Variants in KANK1 observed in about 807,000 individuals in gnomAD.
KANK1 encodes the protein KN motif and ankyrin repeat domain-containing protein 1.
A neutral mutation model predicts 106.2 loss-of-function variants in KANK1; 109 were observed. The ratio of observed to expected loss-of-function variants is 1.03; its 90% confidence interval spans 0.88 to 1.20. The LOEUF is 1.20. Ranked by LOEUF, KANK1 falls within the 50% of genes most tolerant of loss-of-function variation. The pLI, the probability that KANK1 is intolerant of heterozygous loss-of-function variation, is 0.00. For missense variants in KANK1, 2,399 were observed against 1,710.7 expected (o/e 1.40, Z -7.10); for synonymous variants, 873 against 652.2 (o/e 1.34, Z -5.16).
intron 1 of KANK1, among the ~76,000 whole-genome samples, chr9:543,615 C>T (rs2060746910): frequency 6.6e-6 from 1 of 151,610 alleles, no homozygotes; most frequent in Admixed American, 6.6e-5. Flanking sequence ...CACACTACTG[C>T]GTGTTTGTCC....
At chr9:519,268 A>C (rs925918768) in intron 1 of KANK1, among the ~76,000 whole-genome samples, 2 of 151,808 alleles carry the variant, frequency 1.3e-5, no homozygotes, top group African/African-American at 4.9e-5. Context: ...CTGGATATCA[A>C]GATCTGTCAG....
intron 1 of KANK1, among the ~76,000 whole-genome samples, chr9:566,593 G>A (rs571208722): frequency 1.3e-5 from 2 of 152,226 alleles, no homozygotes; most frequent in East Asian, 1.9e-4. Flanking sequence ...TGTTATTTGC[G>A]TTTCTCTAAT....
chr9:704,798 T>C (rs1823588626), intron 2 of KANK1, among the ~76,000 whole-genome samples: 1 of 151,634 alleles, frequency 6.6e-6, no homozygotes, highest in Non-Finnish European at 1.5e-5. Context: ...CTGAGCAAAA[T>C]AGCAAGAACT....
At chr9:597,673 AT>A (rs1178282465) in intron 1 of KANK1, among the ~76,000 whole-genome samples, 11 of 148,854 alleles carry the variant, frequency 7.4e-5, no homozygotes, top group Admixed American at 2.0e-4. Flanking sequence ...ATTTTTATTT[AT>A]TTTTTTTTAG....
At chr9:551,793 A>G (rs1481080173) in intron 1 of KANK1, among the ~76,000 whole-genome samples, 2 of 152,032 alleles carry the variant, frequency 1.3e-5, no homozygotes, top group African/African-American at 2.4e-5. Context: ...CACACCTGTA[A>G]TCCCAGCACT....
intron 1 of KANK1, among the ~76,000 whole-genome samples, chr9:570,147 C>T (rs1818812121): frequency 6.6e-6 from 1 of 152,242 alleles, no homozygotes; most frequent in South Asian, 2.1e-4. Context: ...AGAGTGCTCT[C>T]TCATTGCTAC....
rs541553737 is a variant in KANK1 at position 521,949 on chromosome 9, C to T, written c.-84+17195C>T. On this transcript the variant is annotated intron_variant, in intron 1 of 11. Transcript: ENST00000382297. ...TAGAGAAGAGTTTAAGAAACAGCCA[C>T]AGGCAGCTCATACATGGTGATCCCT... Among the ~76,000 whole-genome samples the T allele has an allele frequency of 5.7e-4, 86 of 151,904 alleles. 4 individuals carry two copies. The Middle Eastern group carries it at 0.01, about 18-fold the overall frequency.
intron 9 of KANK1, among the ~76,000 whole-genome samples, chr9:741,856 C>CA (rs1835662593): frequency 6.6e-6 from 1 of 151,838 alleles, no homozygotes; most frequent in African/African-American, 2.4e-5. Context: ...TGAGCTCAGA[C>CA]AATCTGCCTG....
chr9:592,486 C>G (rs1588088287), intron 1 of KANK1, among the ~76,000 whole-genome samples: 1 of 148,776 alleles, frequency 6.7e-6, no homozygotes, highest in African/African-American at 2.5e-5. Flanking sequence ...ACCCCGATCC[C>G]CTAGTCCGCT....
rs552500794 is a variant in KANK1 at position 529,070 on chromosome 9, G to T, written c.-84+24316G>T. Among the ~76,000 whole-genome samples the T allele has an allele frequency of 3.7e-3, 562 of 152,078 alleles. 5 individuals carry two copies. Among genetic ancestry groups the T allele is most frequent in the African/African-American group, 0.013 (543 of 41,494 alleles). Reference sequence around the variant, plus strand: ...TGCCTTGGCCTCCCAGAGTGCTGGGGTTACAGGTGTGAGCCACTGTGCCTG... The same window carrying T: ...TGCCTTGGCCTCCCAGAGTGCTGGGTTTACAGGTGTGAGCCACTGTGCCTG... On this transcript the variant is annotated intron_variant, in intron 1 of 11. Coordinates refer to ENST00000382297, the MANE Select transcript of KANK1 (RefSeq NM_015158.5).
chr9:607,311 A>G (rs1051877151), intron 1 of KANK1, among the ~76,000 whole-genome samples: 1 of 151,362 alleles, frequency 6.6e-6, no homozygotes, highest in South Asian at 2.1e-4. Flanking sequence ...TATGGTGAGA[A>G]CCCGTCTCTA....
intron 1 of KANK1, among the ~76,000 whole-genome samples, chr9:553,971 G>T (rs548717208): frequency 3.7e-4 from 56 of 152,224 alleles, no homozygotes; most frequent in Non-Finnish European, 6.8e-4. Flanking sequence ...CAGATAGCTG[G>T]GCTCCAACCC....
intron 1 of KANK1, among the ~76,000 whole-genome samples, chr9:598,620 C>CTTTTTTTTTTTTTGTTTTTTTTT (rs1826844691): frequency 2.1e-5 from 1 of 46,660 alleles, no homozygotes; most frequent in African/African-American, 6.8e-5. Flanking sequence ...TGTTGGTTTT[C>CTTTTTTTTTTTTTGTTTTTTTTT]TTTTTTTTTT....
intron 3 of KANK1, among the ~76,000 whole-genome samples, chr9:497,504 C>G (rs969565047): frequency 1.3e-5 from 2 of 151,984 alleles, no homozygotes; most frequent in Non-Finnish European, 2.9e-5. Flanking sequence ...ATTCTTCTCT[C>G]ACAGCTCTGT....
intron 2 of KANK1, among the ~76,000 whole-genome samples, chr9:702,804 C>G (rs886901270): frequency 6.6e-6 from 1 of 152,132 alleles, no homozygotes; most frequent in East Asian, 1.9e-4. Flanking sequence ...ATCTTCTTCC[C>G]CTTGTCTAAC....
intron 1 of KANK1, among the ~76,000 whole-genome samples, chr9:644,989 C>T (rs887121911): frequency 2.0e-5 from 3 of 149,844 alleles, no homozygotes; most frequent in Admixed American, 1.3e-4. Context: ...CCAGGAATGG[C>T]GGTGTGCACC....
At chr9:511,231 T>C (rs2059015297) in intron 1 of KANK1, among the ~76,000 whole-genome samples, 1 of 152,160 alleles carries the variant, frequency 6.6e-6, no homozygotes, top group African/African-American at 2.4e-5. Context: ...ATTTAGGCAA[T>C]AGGTTTTGAA....
At chr9:701,751 G>C (rs557236946) in intron 2 of KANK1, among the ~76,000 whole-genome samples, 4 of 152,254 alleles carry the variant, frequency 2.6e-5, no homozygotes, top group African/African-American at 4.8e-5. Flanking sequence ...GTTAGTACTC[G>C]ACTAGTTTCC....
intron 1 of KANK1, among the ~76,000 whole-genome samples, chr9:578,597 T>TA (rs1821220547): frequency 1.3e-5 from 2 of 152,118 alleles, no homozygotes; most frequent in Admixed American, 1.3e-4. Context: ...ATGTTGATTT[T>TA]AAAAAATAAA....
Sources: allele counts gnomAD v4.1 joint callset (sites outside exome capture counted in the v4.1 genomes callset), GRCh38; gene constraint gnomAD v4.1.1; transcripts MANE v1.5; gene names NCBI Gene and HGNC (gene_info 2026-07-23, HGNC 2026-07-21).